The following VANGL2 variants were observed in gnomAD, a reference collection of about 807,000 sequenced individuals.
The protein encoded by VANGL2 is VANGL planar cell polarity protein 2.
A neutral mutation model predicts 50.2 loss-of-function variants in VANGL2; 14 were observed. That is an observed-to-expected ratio of 0.28 (90% CI 0.18 to 0.44). The LOEUF is 0.44. VANGL2 is among the 20% of genes least tolerant of loss of function. The pLI is 1.00. For missense variants in VANGL2, 533 were observed against 701.5 expected, an observed-to-expected ratio of 0.76 and a Z score of 2.71; for synonymous variants, 295 against 297.2, an observed-to-expected ratio of 0.99 and a Z score of 0.08.
At position 160,419,550 on chromosome 1, in the gene VANGL2, G is replaced by C. The variant is rs144170340; in HGVS notation, c.741G>C (p.Thr247=). ...TGCGCCAGCTCCAGCCTCAGTTCAC[G>C]CTCAAGGTCGTGCGCTCCACCGACG... ...LELRQLQPQF[T]LKVVRSTDGA... The change falls in exon 4 of 8, where the codon ACG becomes ACC. Residue 247 remains threonine (T), a synonymous_variant. Coordinates refer to ENST00000368061, the MANE Select transcript of VANGL2 (RefSeq NM_020335.3). The surrounding 1 kb of genome is among the most constrained non-coding windows in gnomAD (Gnocchi z 5.8). 4 of 1,600,762 alleles carry C rather than the reference G, an allele frequency of 2.5e-6. No individual in the cohort carries two copies. The highest frequency in any genetic ancestry group is 3.3e-5 in the Admixed American group (2 of 59,998).
Position 160,415,647 on chromosome 1 carries a change from G to A in VANGL2, c.-190-1G>A. On this transcript the variant is annotated splice_acceptor_variant, in intron 1 of 7. Coordinates refer to ENST00000368061, the MANE Select transcript of VANGL2 (RefSeq NM_020335.3). LOFTEE classifies it low-confidence loss of function (5UTR_SPLICE). ...TCTAACTAGCTTCTTCCTCTCACCA[G>A]GAGCGTCGCTGGATTTTCTCTGAGA... The A allele has an allele frequency of 3.0e-6, 2 of 660,200 alleles. No homozygotes were observed. The highest frequency in any genetic ancestry group is 3.7e-5 in the South Asian group (2 of 53,882). The allele number at this position is 660,200 out of a possible 1,614,324, so 40.9% of individuals were successfully genotyped here.
Position 160,420,564 on chromosome 1 carries a change from C to T in VANGL2, c.937+17C>T. 6.2e-7 allele frequency: 1 copy of T among 1,614,194 alleles called. No individual in the cohort carries two copies. Among genetic ancestry groups the T allele is most frequent in the Non-Finnish European group, 8.5e-7 (1 of 1,180,030 alleles). On this transcript the variant is annotated intron_variant, in intron 5 of 7. Coordinates refer to ENST00000368061, the MANE Select transcript of VANGL2 (RefSeq NM_020335.3). ...TCGGAGAGGGTGAGCAGCCCTGCTC[C>T]TCTGCCCTTCCCTGTCTCTTCCCAA...
chr1:160,413,707 G>T (rs1398323154), intron 1 of VANGL2, among the ~76,000 whole-genome samples: 3 of 152,050 alleles, frequency 2.0e-5, no homozygotes, highest in Non-Finnish European at 2.9e-5. Context: ...CCCTTTGCCT[G>T]CTCCTTTTCC....
intron 1 of VANGL2, among the ~76,000 whole-genome samples, chr1:160,408,050 C>A (rs944163616): frequency 1.3e-5 from 2 of 152,018 alleles, no homozygotes; most frequent in Non-Finnish European, 2.9e-5. Context: ...TCAAGACGGA[C>A]TAGGAATGGG....
intron 1 of VANGL2, among the ~76,000 whole-genome samples, chr1:160,415,239 C>T (rs566400310): frequency 2.0e-4 from 30 of 152,250 alleles, no homozygotes; most frequent in African/African-American, 6.3e-4. Flanking sequence ...GACAGAAGCC[C>T]GCTCCTTTCT....
At chr1:160,401,221 T>TTG (rs1355495081) in intron 1 of VANGL2, among the ~76,000 whole-genome samples, 1 of 151,446 alleles carries the variant, frequency 6.6e-6, no homozygotes, top group Admixed American at 6.6e-5. Flanking sequence ...GGAGCTTGTG[T>TTG]TGGAGGTGGG....
intron 7 of VANGL2, 132 bp downstream of exon 7, chr1:160,424,415 T>C: frequency 1.1e-6 from 1 of 930,490 alleles, no homozygotes; most frequent in East Asian, 2.6e-5. Flanking sequence ...ACCTCCTTTT[T>C]ATAATCTTCT....
chr1:160,424,200 A>G lies in VANGL2; in HGVS notation c.1222A>G (p.Thr408Ala). ...MARAMQKYLR[T>A]TKQQPYHTME... ...CCGTGCCATGCAGAAGTACCTTCGG[A>G]CCACCAAGCAGCAGCCCTACCACAC... is the stretch of plus-strand genomic sequence containing the variant. The change falls in exon 7 of 8, where the codon ACC becomes GCC. Residue 408 changes from threonine (T) to alanine (A), a missense_variant. By Grantham distance (58) the Thr-to-Ala change is moderately conservative. Transcript: ENST00000368061. 6.2e-7 allele frequency: 1 copy of G among 1,614,136 alleles called. No individual in the cohort carries two copies. The highest frequency in any genetic ancestry group is 2.2e-5 in the East Asian group (1 of 44,880).
At chr1:160,414,431 A>G (rs1650985276) in intron 1 of VANGL2, among the ~76,000 whole-genome samples, 1 of 151,924 alleles carries the variant, frequency 6.6e-6, no homozygotes, top group African/African-American at 2.4e-5. Context: ...GTTAATTCCT[A>G]TTTCTTCTTC....
chr1:160,415,769 G>C lies in VANGL2; in HGVS notation c.-69G>C. ...AAAGAAGCCGGTGCTGAAGGAGGTG[G>C]CTGTGGGGCCCCCCAAGAGGCCCCA... On this transcript the variant is annotated 5_prime_UTR_variant, in exon 2 of 8. Coordinates refer to ENST00000368061, the MANE Select transcript of VANGL2 (RefSeq NM_020335.3). 1 of 1,563,442 alleles carries C rather than the reference G, an allele frequency of 6.4e-7. No individual in the cohort carries two copies. Among genetic ancestry groups the C allele is most frequent in the Non-Finnish European group, 8.7e-7 (1 of 1,150,518 alleles).
At chr1:160,405,939 G>A (rs1650643750) in intron 1 of VANGL2, among the ~76,000 whole-genome samples, 1 of 152,154 alleles carries the variant, frequency 6.6e-6, no homozygotes, top group Non-Finnish European at 1.5e-5. Flanking sequence ...TTATTTTGGG[G>A]TGTTTCTCCT....
Position 160,425,415 on chromosome 1 carries a change from GTCCTGAGGGGGTGGGA to G in VANGL2, c.*38_*53del. On this transcript the variant is annotated 3_prime_UTR_variant, in exon 8 of 8. Coordinates refer to ENST00000368061, the MANE Select transcript of VANGL2 (RefSeq NM_020335.3). ...CAGGGGGAGTGGGAAACTCTGGGGGGTCCTGAGGGGGTGGGAGGGGGCTTGGTTCTCAGGCCCAGCC... is the reference window on the plus strand; with the variant it reads ...CAGGGGGAGTGGGAAACTCTGGGGGGGGGGGCTTGGTTCTCAGGCCCAGCC... 1.0e-6 allele frequency: 1 copy of G among 965,492 alleles called. No homozygotes were observed. Among genetic ancestry groups the G allele is most frequent in the Non-Finnish European group, 1.4e-6 (1 of 713,334 alleles). The allele number at this position is 965,492 out of a possible 1,614,324, so 59.8% of individuals were successfully genotyped here. A position where few individuals can be genotyped will look rare whatever the true frequency, so the allele number is the denominator to read the frequency against.
chr1:160,421,323 G>T, intron 6 of VANGL2, 136 bp downstream of exon 6: 1 of 1,181,256 alleles, frequency 8.5e-7, no homozygotes, highest in Non-Finnish European at 1.2e-6. Context: ...GTTTTCCGTT[G>T]CTGCCCTAAC....
At chr1:160,413,495 C>G (rs564138719) in intron 1 of VANGL2, among the ~76,000 whole-genome samples, 1 of 152,192 alleles carries the variant, frequency 6.6e-6, no homozygotes, top group Non-Finnish European at 1.5e-5. Flanking sequence ...AACTCCTGAC[C>G]TCGTGATCCA....
At chr1:160,414,140 T>TA (rs1405031118) in intron 1 of VANGL2, among the ~76,000 whole-genome samples, 19 of 152,322 alleles carry the variant, frequency 1.2e-4, no homozygotes, top group African/African-American at 4.6e-4. Flanking sequence ...GTCGCCTCCT[T>TA]ATTGATCTCC....
At chr1:160,421,327 C>A in intron 6 of VANGL2, 140 bp downstream of exon 6, 1 of 1,132,272 alleles carries the variant, frequency 8.8e-7, no homozygotes. Flanking sequence ...TCCGTTGCTG[C>A]CCTAACAGAT....
intron 1 of VANGL2, 29 bp from the exon 2 acceptor site, chr1:160,415,619 G>A (rs1221543346): frequency 2.7e-5 from 16 of 595,818 alleles, no homozygotes; most frequent in South Asian, 1.2e-4. Context: ...AGCTCGAGCC[G>A]CCTCTAACTA....
intron 1 of VANGL2, among the ~76,000 whole-genome samples, chr1:160,407,748 C>G (rs1650730716): frequency 6.6e-6 from 1 of 152,200 alleles, no homozygotes; most frequent in Non-Finnish European, 1.5e-5. Flanking sequence ...TGTCCACCCT[C>G]TCCCTGAAGA....
intron 1 of VANGL2, among the ~76,000 whole-genome samples, chr1:160,410,042 AG>A (rs1650820964): frequency 6.6e-6 from 1 of 151,954 alleles, no homozygotes; most frequent in Admixed American, 6.6e-5. Context: ...TTTAGTGGGC[AG>A]GGGCCCACAG....
Sources: gnomAD v4.1 joint callset for allele counts (sites outside exome capture counted in the v4.1 genomes callset) on GRCh38, gnomAD v4.1.1 for gene constraint, Gnocchi (gnomAD v3.1) non-coding constraint, MANE v1.5 for transcripts, NCBI Gene and HGNC (gene_info 2026-07-23, HGNC 2026-07-21) for gene names.